The following SLC17A1 variants were observed in gnomAD, a reference collection of about 807,000 sequenced individuals.
The protein encoded by SLC17A1 is sodium-dependent phosphate transport protein 1.
In SLC17A1, 51 loss-of-function variants were observed where a neutral mutation model predicts 53.5. That is an observed-to-expected ratio of 0.95 (90% CI 0.76 to 1.20). SLC17A1 has a LOEUF of 1.20. Among genes scored for constraint, SLC17A1 ranks in the 50% most tolerant of loss-of-function variants. The probability of loss-of-function intolerance (pLI) is 0.00; values close to 1 mark genes in which losing one functional copy is unlikely to be tolerated. For missense variants in SLC17A1, 538 were observed against 568.2 expected, an observed-to-expected ratio of 0.95 and a Z score of 0.54; for synonymous variants, 179 against 198.8, an observed-to-expected ratio of 0.90 and a Z score of 0.84.
intron 1 of SLC17A1, 46 bp from the exon 2 acceptor site, chr6:25,830,653 A>G: frequency 9.0e-6 from 12 of 1,326,312 alleles, no homozygotes; most frequent in Non-Finnish European, 1.2e-5. Context: ...TAGAGAGGCA[A>G]CTGACCAAAC....
At chr6:25,823,644 T>C (rs1443602805) in intron 3 of SLC17A1, among the ~76,000 whole-genome samples, 2 of 152,060 alleles carry the variant, frequency 1.3e-5, no homozygotes, top group Non-Finnish European at 2.9e-5. Flanking sequence ...ATCTTTTTTT[T>C]CCATTTTTGT....
At chr6:25,761,798 T>C in the SLC17A1 span, 1 of 570,018 alleles carries the variant, frequency 1.8e-6, no homozygotes, top group Non-Finnish European at 3.0e-6. Flanking sequence ...GGATGACAAG[T>C]TAGTTTTCAT....
At chr6:25,785,634 A>G (rs533865453) in intron 12 of SLC17A1, among the ~76,000 whole-genome samples, 117 of 152,294 alleles carry the variant, frequency 7.7e-4, no homozygotes, top group African/African-American at 2.5e-3. Context: ...ATAACCCAAC[A>G]TCAAAAGACA....
At chr6:25,813,824 G>A (rs1395179087) in intron 6 of SLC17A1, among the ~76,000 whole-genome samples, 1 of 152,156 alleles carries the variant, frequency 6.6e-6, no homozygotes, top group African/African-American at 2.4e-5. Context: ...TTACAAATGA[G>A]AACATGCGGT....
intron 12 of SLC17A1, among the ~76,000 whole-genome samples, chr6:25,796,280 A>G (rs1763600550): frequency 6.6e-6 from 1 of 152,176 alleles, no homozygotes; most frequent in Non-Finnish European, 1.5e-5. Context: ...ATTGACAAAC[A>G]TGCTTAATTC....
the SLC17A1 span, among the ~76,000 whole-genome samples, chr6:25,750,633 C>CAGAGAGAGAG: frequency 6.9e-6 from 1 of 145,682 alleles, no homozygotes; most frequent in African/African-American, 2.6e-5. Flanking sequence ...TAACCCATGT[C>CAGAGAGAGAG]AGAGAGAGAG....
chr6:25,803,517 T>G (rs1763854958), intron 10 of SLC17A1, among the ~76,000 whole-genome samples: 1 of 152,140 alleles, frequency 6.6e-6, no homozygotes, highest in Non-Finnish European at 1.5e-5. Context: ...ATGACAGAGC[T>G]ACTTCTGTTA....
intron 3 of SLC17A1, among the ~76,000 whole-genome samples, chr6:25,821,348 C>A (rs1479911880): frequency 6.6e-6 from 1 of 152,102 alleles, no homozygotes; most frequent in Non-Finnish European, 1.5e-5. Context: ...GTAGGAGTGA[C>A]TCTCTGAGAA....
chr6:25,802,594 T>C (rs1227899423), intron 10 of SLC17A1, among the ~76,000 whole-genome samples: 1 of 152,206 alleles, frequency 6.6e-6, no homozygotes, highest in Non-Finnish European at 1.5e-5. Context: ...CGAAATGTTA[T>C]TTTAACTTAG....
chr6:25,726,603 A>G, the SLC17A1 span: 1 of 1,510,278 alleles, frequency 6.6e-7, no homozygotes, highest in Admixed American at 2.1e-5. Flanking sequence ...AGTCTGACTG[A>G]GGTTGGCATT....
At chr6:25,725,125 G>T in the SLC17A1 span, among the ~76,000 whole-genome samples, 1 of 145,514 alleles carries the variant, frequency 6.9e-6, no homozygotes, top group African/African-American at 2.5e-5. Flanking sequence ...ACTTTCTCTT[G>T]GTGTTTACAG....
chr6:25,817,505 G>T (rs1234500203), intron 6 of SLC17A1, among the ~76,000 whole-genome samples: 11 of 152,160 alleles, frequency 7.2e-5, no homozygotes, highest in African/African-American at 2.7e-4. Flanking sequence ...TCACAGTAAA[G>T]CTATTATCAT....
intron 3 of SLC17A1, among the ~76,000 whole-genome samples, chr6:25,820,816 G>A (rs1581493260): frequency 6.7e-6 from 1 of 149,476 alleles, no homozygotes; most frequent in South Asian, 2.1e-4. Context: ...GGAGAATGGC[G>A]TGAACCTGGG....
At chr6:25,727,154 G>A in the SLC17A1 span, 5,788 of 1,614,114 alleles carry the variant, frequency 3.6e-3, 138 homozygotes, top group African/African-American at 0.06. Flanking sequence ...CATCACGTTT[G>A]GCTCACTACA....
rs766200700 is a variant in SLC17A1 at position 25,811,554 on chromosome 6, T to C, written c.1031-9A>G. ...TGCAGGAAGGAGAAATCCTGGGGAG[T>C]GATTCAGACAACATAGTCAGGTGCA... On this transcript the variant is annotated splice_polypyrimidine_tract_variant and intron_variant, in intron 9 of 12. Transcript: ENST00000244527. 6.8e-6 allele frequency: 11 copies of C among 1,613,124 alleles called. No individual in the cohort carries two copies. In the African/African-American group the frequency reaches 1.1e-4, roughly 16 times the overall value.
At chr6:25,785,338 A>G (rs1763358350) in intron 12 of SLC17A1, among the ~76,000 whole-genome samples, 1 of 152,158 alleles carries the variant, frequency 6.6e-6, no homozygotes, top group Non-Finnish European at 1.5e-5. Context: ...AAAGACCTAA[A>G]TGTAAGAGCT....
chr6:25,822,785 A>G (rs1293331603), intron 3 of SLC17A1, among the ~76,000 whole-genome samples: 3 of 152,224 alleles, frequency 2.0e-5, no homozygotes, highest in Non-Finnish European at 2.9e-5. Flanking sequence ...AAAACACTTT[A>G]TATGAAATAG....
At chr6:25,726,429 A>G in the SLC17A1 span, 2 of 1,613,978 alleles carry the variant, frequency 1.2e-6, no homozygotes, top group Non-Finnish European at 1.7e-6. Flanking sequence ...TACGAAGCAG[A>G]CGATGGATCC....
At chr6:25,770,310 T>C in the SLC17A1 span, 1 of 1,613,860 alleles carries the variant, frequency 6.2e-7, no homozygotes, top group African/African-American at 1.3e-5. Context: ...GGTACCAAGA[T>C]GTTTTCCAGG....
Sources: gnomAD v4.1 joint callset for allele counts (sites outside exome capture counted in the v4.1 genomes callset) on GRCh38, gnomAD v4.1.1 for gene constraint, MANE v1.5 for transcripts, NCBI Gene and HGNC (gene_info 2026-07-23, HGNC 2026-07-21) for gene names.